Variants in DSCAML1 observed in about 807,000 individuals in gnomAD.
DSCAML1 encodes the protein DS cell adhesion molecule like 1.
Under a neutral mutation model 200.5 loss-of-function variants are expected in DSCAML1, and 38 were observed. The ratio of observed to expected loss-of-function variants is 0.19; its 90% CI spans 0.15 to 0.25. The LOEUF is 0.25. Among genes scored for constraint, DSCAML1 ranks in the 10% least tolerant of loss-of-function variants. DSCAML1 has a pLI of 1.00. For missense variants in DSCAML1, 2,223 were observed against 2,858.8 expected, an observed-to-expected ratio of 0.78 and a Z score of 5.07; for synonymous variants, 1,215 against 1,165.0, an observed-to-expected ratio of 1.04 and a Z score of -0.87.
At chr11:117,630,225 G>A (rs12273996) in intron 3 of DSCAML1, among the ~76,000 whole-genome samples, 33,620 of 152,080 alleles carry the variant, frequency 0.22, 3,853 homozygotes, top group African/African-American at 0.25. Context: ...TCCCTCACCT[G>A]CTGGAGGGAG....
chr11:117,561,146 G>A (rs2050655221), intron 3 of DSCAML1, among the ~76,000 whole-genome samples: 1 of 152,210 alleles, frequency 6.6e-6, no homozygotes, highest in Non-Finnish European at 1.5e-5. Flanking sequence ...GGAGCACCTG[G>A]TGAGGAAGGC....
intron 8 of DSCAML1, among the ~76,000 whole-genome samples, chr11:117,508,551 G>C (rs528219393): frequency 4.6e-5 from 7 of 151,468 alleles, no homozygotes; most frequent in Non-Finnish European, 1.0e-4. Flanking sequence ...TAAGAGGGGG[G>C]GTCTGTGCTG....
rs537897901 is a variant in DSCAML1 at position 117,703,714 on chromosome 11, C to T, written c.511+73077G>A. ...CAGCCGAGTGAATGTGGAAGCAAGA[C>T]GGTTACCCCACAAGACTGTGGGTGC... On this transcript the variant is annotated intron_variant, in intron 3 of 32. Transcript: ENST00000651296. 3.9e-5 allele frequency among the ~76,000 whole-genome samples: 6 copies of T among 152,318 alleles called. No individual in the cohort carries two copies. In the East Asian group the frequency reaches 7.7e-4, roughly 20 times the overall value.
chr11:117,548,415 C>T (rs950110194), intron 3 of DSCAML1, among the ~76,000 whole-genome samples: 1 of 152,192 alleles, frequency 6.6e-6, no homozygotes, highest in African/African-American at 2.4e-5. Flanking sequence ...AGCTCCTTCC[C>T]ATAGGGGTAC....
At chr11:117,745,703 C>T (rs1434787608) in intron 3 of DSCAML1, among the ~76,000 whole-genome samples, 1 of 152,166 alleles carries the variant, frequency 6.6e-6, no homozygotes, top group Non-Finnish European at 1.5e-5. Context: ...CTGCCTGCCT[C>T]GTTATGCTAC....
chr11:117,807,166 C>A (rs1048677790), intron 1 of DSCAML1, among the ~76,000 whole-genome samples: 2 of 152,256 alleles, frequency 1.3e-5, no homozygotes, highest in Non-Finnish European at 2.9e-5. Flanking sequence ...CTGTCCCCAG[C>A]TCCTCACCAC....
intron 3 of DSCAML1, among the ~76,000 whole-genome samples, chr11:117,757,573 TACACAC>T (rs5795104): frequency 0.073 from 10,714 of 146,820 alleles, 585 homozygotes; most frequent in African/African-American, 0.15. Context: ...TAGGAGCCTA[TACACAC>T]ACACACACAC....
intron 3 of DSCAML1, among the ~76,000 whole-genome samples, chr11:117,639,801 C>G (rs2052367297): frequency 1.3e-5 from 2 of 152,152 alleles, no homozygotes; most frequent in Admixed American, 1.3e-4. Flanking sequence ...CCCGGGAACT[C>G]TGGTGGCCTC....
In DSCAML1 at chr11:117,432,394, T is replaced by C. The variant is rs2047819681; in HGVS notation, c.5137A>G (p.Thr1713Ala). The C allele has an allele frequency of 5.0e-6, 8 of 1,614,094 alleles. No homozygotes were observed. Among genetic ancestry groups the C allele is most frequent in the Non-Finnish European group, 6.8e-6 (8 of 1,180,012 alleles). The change falls in exon 30 of 33, where the codon ACA (threonine) becomes GCA (alanine). Residue 1713 changes from threonine to alanine, a missense_variant. Transcript: ENST00000651296. Reference sequence around the variant, plus strand: ...TCAGACATGTCGATGAGGGGTCCTGTGCTCTGGATGAGGGTTGGGTGGTGC... The same window carrying C: ...TCAGACATGTCGATGAGGGGTCCTGCGCTCTGGATGAGGGTTGGGTGGTGC... ...SLHHPTLIQS[T>A]GPLIDMSDIR... is the part of the protein sequence containing the mutation.
intron 3 of DSCAML1, among the ~76,000 whole-genome samples, chr11:117,691,802 G>GA (rs2053499456): frequency 7.8e-6 from 1 of 128,686 alleles, no homozygotes; most frequent in Non-Finnish European, 1.7e-5. Flanking sequence ...TCTCTCCCCA[G>GA]GGGGGTTTTG....
chr11:117,769,449 T>A (rs1308281355), intron 3 of DSCAML1, among the ~76,000 whole-genome samples: 1 of 83,150 alleles, frequency 1.2e-5, no homozygotes, highest in African/African-American at 5.9e-5. Flanking sequence ...TAATATATAT[T>A]TTATATATAT....
chr11:117,810,357 A>G (rs2055750959), intron 1 of DSCAML1, among the ~76,000 whole-genome samples: 1 of 148,964 alleles, frequency 6.7e-6, no homozygotes, highest in Non-Finnish European at 1.5e-5. Context: ...AAGAACCCCC[A>G]ATCCCTTATT....
chr11:117,545,226 TAA>T lies in DSCAML1; in HGVS notation c.512-12706_512-12705del, dbSNP rs369727751. Among the ~76,000 whole-genome samples, 64 of 135,930 alleles carry T rather than the reference TAA, an allele frequency of 4.7e-4. 1 individual carries two copies. The highest frequency in any genetic ancestry group is 8.4e-4 in the East Asian group (4 of 4,744). 89.2% of individuals were successfully genotyped at this position (135,930 alleles called of 152,430 possible). ...GCCTGGGCGACAGAGCAAGATTCCG[TAA>T]AAAAAAACACACACACACACACACA... On this transcript the variant is annotated intron_variant, in intron 3 of 32. Transcript: ENST00000651296.
intron 3 of DSCAML1, among the ~76,000 whole-genome samples, chr11:117,742,750 G>A (rs993395512): frequency 2.0e-5 from 3 of 152,222 alleles, no homozygotes; most frequent in African/African-American, 4.8e-5. Context: ...TCTGTCTTCA[G>A]AGAGTCAACA....
intron 3 of DSCAML1, among the ~76,000 whole-genome samples, chr11:117,746,166 G>C (rs1398443246): frequency 7.6e-6 from 1 of 132,306 alleles, no homozygotes; most frequent in African/African-American, 2.9e-5. Flanking sequence ...AGCTTACAGT[G>C]AGCCCAGATC....
intron 11 of DSCAML1, among the ~76,000 whole-genome samples, chr11:117,483,442 CCTT>C (rs1369363774): frequency 6.6e-6 from 1 of 152,202 alleles, no homozygotes; most frequent in Non-Finnish European, 1.5e-5. Context: ...TTCATTGAGA[CCTT>C]CTATGTGCCA....
intron 1 of DSCAML1, among the ~76,000 whole-genome samples, chr11:117,785,118 CCA>C (rs934982547): frequency 3.9e-5 from 6 of 152,168 alleles, no homozygotes; most frequent in African/African-American, 1.4e-4. Context: ...CAAGCACCAG[CCA>C]CGCGCTGCAC....
intron 11 of DSCAML1, among the ~76,000 whole-genome samples, chr11:117,493,466 G>A (rs776242660): frequency 4.0e-5 from 6 of 151,578 alleles, no homozygotes; most frequent in Non-Finnish European, 5.9e-5. Context: ...ACAGGGGTGC[G>A]CCATCATGCC....
chr11:117,516,497 T>G lies in DSCAML1; in HGVS notation c.1753A>C (p.Ile585Leu). 1 of 1,613,894 alleles carries G rather than the reference T, an allele frequency of 6.2e-7. No individual in the cohort carries two copies. Among genetic ancestry groups the G allele is most frequent in the African/African-American group, 1.3e-5 (1 of 75,042 alleles). Residue 585 changes from isoleucine to leucine, a missense_variant, in exon 8 of 33, where the codon ATC becomes CTC. Ile to Leu is a conservative substitution (Grantham distance 5). This residue lies in a region of DSCAML1 where 212 missense variants were observed against 368.0 expected (regional missense o/e 0.58). Transcript: ENST00000651296. This position sits in a 1 kb window ranked among gnomAD's most constrained non-coding sequence, Gnocchi z 5.7. ...ACGGCTACGTGAACGCTCTGGCTGA[T>G]GGAGAGCTGGGGCTGGATGAGGACA... Reference protein sequence around the residue: ...CSVLIQPQLSISQSVHVAVKV... With the variant: ...CSVLIQPQLSLSQSVHVAVKV...
Sources: allele counts gnomAD v4.1 joint callset (sites outside exome capture counted in the v4.1 genomes callset), GRCh38; gene constraint gnomAD v4.1.1; regional missense constraint gnomAD v4.1.1; non-coding constraint Gnocchi (gnomAD v3.1); transcripts MANE v1.5; gene names NCBI Gene and HGNC (gene_info 2026-07-23, HGNC 2026-07-21).